Variants in MVB12B observed in about 807,000 individuals in gnomAD.
MVB12B encodes multivesicular body subunit 12B.
A neutral mutation model predicts 41.6 loss-of-function variants in MVB12B; 16 were observed. That is an observed-to-expected ratio of 0.38 (90% CI 0.26 to 0.58). MVB12B has a LOEUF of 0.58. Ranked by LOEUF, MVB12B falls within the 20% of genes least tolerant of loss-of-function variation. MVB12B has a pLI of 0.62. For synonymous variants in MVB12B, 133 were observed against 139.7 expected, an observed-to-expected ratio of 0.95 and a Z score of 0.34; for missense variants, 274 against 380.2, an observed-to-expected ratio of 0.72 and a Z score of 2.32.
chr9:126,398,904 C>T (rs1331439075), intron 6 of MVB12B, among the ~76,000 whole-genome samples: 1 of 152,202 alleles, frequency 6.6e-6, no homozygotes, highest in Non-Finnish European at 1.5e-5. Context: ...TTTGGAATGC[C>T]GTTCATTCCC....
chr9:126,482,559 A>C (rs1298108347), intron 8 of MVB12B, among the ~76,000 whole-genome samples: 2 of 150,822 alleles, frequency 1.3e-5, no homozygotes, highest in Non-Finnish European at 2.9e-5. Flanking sequence ...TGGGAGAGGC[A>C]GCTCTGTCCT....
intron 9 of MVB12B, among the ~76,000 whole-genome samples, chr9:126,487,411 A>G (rs1833643110): frequency 6.6e-6 from 1 of 152,194 alleles, no homozygotes; most frequent in South Asian, 2.1e-4. Context: ...TGAAAGCTCC[A>G]TCCCTGTGGA....
intron 9 of MVB12B, among the ~76,000 whole-genome samples, chr9:126,492,269 T>C (rs576106389): frequency 1.3e-5 from 2 of 151,150 alleles, no homozygotes; most frequent in South Asian, 4.2e-4. Context: ...TTCCCTTTTA[T>C]GATTATGCCA....
chr9:126,344,047 T>TAAAAA (rs80127150), intron 2 of MVB12B, among the ~76,000 whole-genome samples: 3 of 128,802 alleles, frequency 2.3e-5, no homozygotes, highest in African/African-American at 8.7e-5. Flanking sequence ...CTTTTCTTGG[T>TAAAAA]AAAAAAAAAA....
At chr9:126,488,211 G>A (rs1449513443) in intron 9 of MVB12B, among the ~76,000 whole-genome samples, 1 of 152,088 alleles carries the variant, frequency 6.6e-6, no homozygotes, top group Non-Finnish European at 1.5e-5. Context: ...TCCCTGGGTC[G>A]GGATGAGTTT....
At chr9:126,372,985 A>G (rs768021475) in intron 2 of MVB12B, among the ~76,000 whole-genome samples, 13 of 152,172 alleles carry the variant, frequency 8.5e-5, no homozygotes, top group Non-Finnish European at 1.5e-4. Flanking sequence ...CGGGTACAGT[A>G]CTAGGGTTAG....
At chr9:126,501,100 C>A (rs1833945988) in intron 9 of MVB12B, among the ~76,000 whole-genome samples, 1 of 152,220 alleles carries the variant, frequency 6.6e-6, no homozygotes, top group Admixed American at 6.5e-5. Context: ...CGCAGCTCCC[C>A]CTCCTCAGCC....
At chr9:126,498,225 GGGAGTGCCTGAGATGGAGGGGGATGACT>G (rs2119236149) in intron 9 of MVB12B, among the ~76,000 whole-genome samples, 1 of 152,316 alleles carries the variant, frequency 6.6e-6, no homozygotes, top group South Asian at 2.1e-4. Flanking sequence ...CCGAGGCCGT[GGGAGTGCCTGAGATGGAGGGGGATGACT>G]GGAGTGCTGA....
At chr9:126,426,294 A>G (rs1444375043) in intron 7 of MVB12B, among the ~76,000 whole-genome samples, 1 of 152,220 alleles carries the variant, frequency 6.6e-6, no homozygotes, top group Non-Finnish European at 1.5e-5. Flanking sequence ...ATTTCAAAAC[A>G]ACCTTTTTTG....
At chr9:126,401,739 C>T (rs992388280) in intron 6 of MVB12B, among the ~76,000 whole-genome samples, 4 of 152,236 alleles carry the variant, frequency 2.6e-5, no homozygotes, top group South Asian at 2.1e-4. Context: ...GAGCGTGCCA[C>T]GCTCCGTCCT....
At chr9:126,352,329 T>A (rs753126040) in intron 2 of MVB12B, among the ~76,000 whole-genome samples, 16 of 152,208 alleles carry the variant, frequency 1.1e-4, no homozygotes, top group Admixed American at 3.9e-4. Flanking sequence ...GATGTTTAGA[T>A]GTGGAAGTCT....
chr9:126,337,095 C>T (rs571000414), intron 1 of MVB12B, among the ~76,000 whole-genome samples: 1 of 152,338 alleles, frequency 6.6e-6, no homozygotes, highest in Admixed American at 6.5e-5. Flanking sequence ...AACACTGGGT[C>T]AGCTTTGGGG....
At chr9:126,501,135 G>A (rs1455398291) in intron 9 of MVB12B, among the ~76,000 whole-genome samples, 1 of 152,244 alleles carries the variant, frequency 6.6e-6, no homozygotes, top group African/African-American at 2.4e-5. Context: ...TCTCCTGACC[G>A]CGGCCTGTGC....
Position 126,395,635 on chromosome 9 carries a change from A to G in MVB12B, c.600A>G (p.Ser200=). 2 of 1,614,178 alleles carry G rather than the reference A, an allele frequency of 1.2e-6. No homozygotes were observed. Among genetic ancestry groups the G allele is most frequent in the South Asian group, 1.1e-5 (1 of 91,086 alleles). The change falls in exon 6 of 10, where the codon TCA becomes TCG. Residue 200 remains serine, a synonymous_variant. Transcript: ENST00000361171. The surrounding 1 kb of genome is among the most constrained non-coding windows in gnomAD (Gnocchi z 4.9). ...GCAGAGTACCAAGAAATCATGACTC[A>G]TCTCAACCCACAACGCCTTCCCAGT... is the stretch of plus-strand genomic sequence containing the variant. ...RMGRVPRNHD[S]SQPTTPSQSS... is the part of the protein sequence containing the mutation.
rs1833496280 is a variant in MVB12B at position 126,480,091 on chromosome 9, C to T, written c.758-1278C>T. On this transcript the variant is annotated intron_variant, in intron 7 of 9. Coordinates refer to ENST00000361171, the MANE Select transcript of MVB12B (RefSeq NM_033446.3). The surrounding 1 kb of genome is among the most constrained non-coding windows in gnomAD (Gnocchi z 4.9). ...GATTGTTGGTCCCAGGAGCGCACTG[C>T]CCGACGCTGCCCCCATGCTCTACCT... Among the ~76,000 whole-genome samples the T allele has an allele frequency of 6.6e-6, 1 of 152,192 alleles. No individual in the cohort carries two copies. The highest frequency in any genetic ancestry group is 2.1e-4 in the South Asian group (1 of 4,830).
At chr9:126,341,185 C>G (rs1178881025) in intron 2 of MVB12B, among the ~76,000 whole-genome samples, 2 of 152,254 alleles carry the variant, frequency 1.3e-5, no homozygotes, top group East Asian at 1.9e-4. Flanking sequence ...GACCAGACCC[C>G]CTCCAAGTCC....
intron 6 of MVB12B, among the ~76,000 whole-genome samples, chr9:126,398,938 A>G (rs184446358): frequency 1.6e-4 from 24 of 152,320 alleles, no homozygotes; most frequent in Non-Finnish European, 4.4e-5. Flanking sequence ...ACAAAGGTGG[A>G]TCTTTGCACC....
In MVB12B at chr9:126,395,114, G is replaced by A. The variant is rs2119006733; in HGVS notation, c.540-461G>A. 6.6e-6 allele frequency among the ~76,000 whole-genome samples: 1 copy of A among 152,308 alleles called. No homozygotes were observed. The highest frequency in any genetic ancestry group is 6.5e-5 in the Admixed American group (1 of 15,300). ...CCTGAGAATGAGTCCAACGGCAGGT[G>A]ACACCCAGCTGCAAGAGGCTGTATC... is the stretch of plus-strand genomic sequence containing the variant. On this transcript the variant is annotated intron_variant, in intron 5 of 9. Transcript: ENST00000361171. This position sits in a 1 kb window ranked among gnomAD's most constrained non-coding sequence, Gnocchi z 4.9.
chr9:126,401,102 C>G (rs1261207128), intron 6 of MVB12B, among the ~76,000 whole-genome samples: 2 of 152,174 alleles, frequency 1.3e-5, no homozygotes, highest in African/African-American at 4.8e-5. Flanking sequence ...ACTCTCCTCC[C>G]CACAGACCCC....
Sources: gnomAD v4.1 joint callset for allele counts (sites outside exome capture counted in the v4.1 genomes callset) on GRCh38, gnomAD v4.1.1 for gene constraint, Gnocchi (gnomAD v3.1) non-coding constraint, MANE v1.5 for transcripts, NCBI Gene and HGNC (gene_info 2026-07-23, HGNC 2026-07-21) for gene names.